The following PDCD5 variants were observed in gnomAD, a reference collection of about 807,000 sequenced individuals.
The protein encoded by PDCD5 is programmed cell death protein 5.
Under a neutral mutation model 21.9 loss-of-function variants are expected in PDCD5, and 23 were observed. The ratio of observed to expected loss-of-function variants is 1.05; its 90% CI spans 0.76 to 1.49. PDCD5 has a LOEUF of 1.49. Ranked by LOEUF, PDCD5 falls within the 40% of genes most tolerant of loss-of-function variation. The pLI is 0.00. For synonymous variants in PDCD5, 45 were observed against 49.4 expected, an observed-to-expected ratio of 0.91 and a Z score of 0.37; for missense variants, 152 against 147.7, an observed-to-expected ratio of 1.03 and a Z score of -0.15.
At chr19:32,582,726 CA>C (rs1260956219) in intron 2 of PDCD5, among the ~76,000 whole-genome samples, 14 of 152,204 alleles carry the variant, frequency 9.2e-5, no homozygotes, top group African/African-American at 3.4e-4. Context: ...TTCACCATCA[CA>C]ACCATTTTTA....
Position 32,586,511 on chromosome 19 carries a change from CA to C in PDCD5, c.259-346del, listed in dbSNP as rs1267234833. On this transcript the variant is annotated intron_variant, in intron 4 of 5. Coordinates refer to ENST00000590247, the MANE Select transcript of PDCD5 (RefSeq NM_004708.4). ...CAAGGGGATGTTTAAGCTTCTCGGGCAGAAGTGGTGTGTCTATTCCTGACAC... is the reference window on the plus strand; with the variant it reads ...CAAGGGGATGTTTAAGCTTCTCGGGCGAAGTGGTGTGTCTATTCCTGACAC... The C allele has an allele frequency of 6.4e-6, 7 of 1,101,744 alleles. No individual in the cohort carries two copies. In the African/African-American group the frequency reaches 1.1e-4, roughly 18 times the overall value. 68.2% of individuals were successfully genotyped at this position (1,101,744 alleles called of 1,614,324 possible). A position where few individuals can be genotyped will look rare whatever the true frequency, so the allele number is the denominator to read the frequency against.
rs1971469360 is a variant in PDCD5, at chr19:32,585,727, C to T, written c.167-89C>T. The stretch of plus-strand genomic sequence containing the variant: ...CACTGAGGGACAAGCTTGTGAAGTG[C>T]TTTGGAAAGGTCAATGCATAGTTTT... On this transcript the variant is annotated intron_variant, in intron 3 of 5. Coordinates refer to ENST00000590247, the MANE Select transcript of PDCD5 (RefSeq NM_004708.4). 3 of 771,050 alleles carry T rather than the reference C, an allele frequency of 3.9e-6. No individual in the cohort carries two copies. The East Asian group carries it at 7.3e-5, about 19-fold the overall frequency. The allele number at this position is 771,050 out of a possible 1,614,324, so 47.8% of individuals were successfully genotyped here.
At chr19:32,583,817 C>A (rs1318351310) in intron 2 of PDCD5, among the ~76,000 whole-genome samples, 1 of 151,942 alleles carries the variant, frequency 6.6e-6, no homozygotes, top group East Asian at 1.9e-4. Context: ...GCATGAACAG[C>A]AGAGTGAGAC....
At chr19:32,586,777 A>T in intron 4 of PDCD5, 81 bp from the exon 5 acceptor site, 1 of 1,522,228 alleles carries the variant, frequency 6.6e-7, no homozygotes. Context: ...CCTCAAAAAG[A>T]GTACAAAGTG....
Position 32,581,283 on chromosome 19 carries a change from G to A in PDCD5, c.22G>A (p.Ala8Thr), listed in dbSNP as rs761684487. Residue 8 changes from alanine (A) to threonine (T), a missense_variant, in exon 1 of 6, where the codon GCG (alanine) becomes ACG (threonine). Transcript: ENST00000590247. MADEELE[A>T]LRRQRLAELQ... is the part of the protein sequence containing the mutation. ...AGCCATGGCGGACGAGGAGCTTGAG[G>A]CGCTGAGGAGACAGAGGCTGGCCGA... 7.8e-6 allele frequency: 12 copies of A among 1,530,624 alleles called. No individual in the cohort carries two copies. Among genetic ancestry groups the A allele is most frequent in the South Asian group, 3.7e-5 (3 of 81,948 alleles). The allele number at this position is 1,530,624 out of a possible 1,614,324, so 94.8% of individuals were successfully genotyped here.
intron 3 of PDCD5, 60 bp from the exon 4 acceptor site, chr19:32,585,750 TTTAAGG>T: frequency 1.1e-6 from 1 of 928,794 alleles, no homozygotes; most frequent in South Asian, 1.4e-5. Flanking sequence ...AATGCATAGT[TTTAAGG>T]TATAACATAA....
intron 2 of PDCD5, among the ~76,000 whole-genome samples, chr19:32,582,801 G>A (rs907964359): frequency 1.3e-5 from 2 of 152,124 alleles, no homozygotes; most frequent in Admixed American, 6.5e-5. Flanking sequence ...GAAACCTTTA[G>A]CTACTGGACA....
intron 1 of PDCD5, 147 bp downstream of exon 1, chr19:32,581,474 A>G: frequency 2.4e-6 from 1 of 425,428 alleles, no homozygotes; most frequent in Non-Finnish European, 3.9e-6. Flanking sequence ...TGGCCGGCTC[A>G]GAGGTGGCCT....
chr19:32,587,312 T>C lies in PDCD5; in HGVS notation c.*12T>C. Reference sequence around the variant, plus strand: ...ATGACGATTATTGAACTACAAGTGCTCACAGACTAGAACTTAACGGAACAA... The same window carrying C: ...ATGACGATTATTGAACTACAAGTGCCCACAGACTAGAACTTAACGGAACAA... On this transcript the variant is annotated 3_prime_UTR_variant, in exon 6 of 6. Coordinates refer to ENST00000590247, the MANE Select transcript of PDCD5 (RefSeq NM_004708.4). 6.3e-7 allele frequency: 1 copy of C among 1,587,290 alleles called. No individual in the cohort carries two copies. Among genetic ancestry groups the C allele is most frequent in the East Asian group, 2.2e-5 (1 of 44,694 alleles).
chr19:32,587,034 C>T (rs762839592), intron 5 of PDCD5, 105 bp downstream of exon 5: 1 of 1,100,088 alleles, frequency 9.1e-7, no homozygotes, highest in Non-Finnish European at 1.3e-6. Context: ...AGACATTTTC[C>T]TTTTGTCAAA....
At chr19:32,581,481 GCCTCGTCGCTTT>G (rs1473154229) in intron 1 of PDCD5, 154 bp downstream of exon 1, 5 of 411,548 alleles carry the variant, frequency 1.2e-5, no homozygotes, top group East Asian at 7.9e-5. Context: ...CTCAGAGGTG[GCCTCGTCGCTTT>G]CCTCGTCGCG....
At position 32,582,191 on chromosome 19, in the gene PDCD5, C is replaced by T. The variant is rs781379875; in HGVS notation, c.67-4C>T. On this transcript the variant is annotated splice_polypyrimidine_tract_variant and splice_region_variant and intron_variant, in intron 1 of 5. Transcript: ENST00000590247. ...TCTATTAAATTTAAGTTTTTTTTTT[C>T]CAGGATCCTGGTGATGCGGCCCAAC... 1.4e-5 allele frequency: 22 copies of T among 1,599,626 alleles called. No individual in the cohort carries two copies. Among genetic ancestry groups the T allele is most frequent in the Admixed American group, 1.7e-5 (1 of 58,500 alleles).
At chr19:32,586,972 C>A (rs752542933) in intron 5 of PDCD5, 43 bp downstream of exon 5, 5 of 1,445,628 alleles carry the variant, frequency 3.5e-6, no homozygotes, top group East Asian at 2.3e-5. Context: ...AAGATGGATA[C>A]TTTAAAGATT....
Position 32,581,297 on chromosome 19 carries a change from G to A in PDCD5, c.36G>A (p.Gln12=), listed in dbSNP as rs1237645219. The A allele has an allele frequency of 2.0e-6, 3 of 1,528,270 alleles. No individual in the cohort carries two copies. The allele number at this position is 1,528,270 out of a possible 1,614,324, so 94.7% of individuals were successfully genotyped here. ...ADEELEALRR[Q]RLAELQAKHG... is the part of the protein sequence containing the mutation. ...AGGAGCTTGAGGCGCTGAGGAGACA[G>A]AGGCTGGCCGAGCTGCAGGCCAAAC... Residue 12 remains glutamine, a synonymous_variant, in exon 1 of 6, where the codon CAG becomes CAA. Transcript: ENST00000590247.
At chr19:32,583,984 A>C (rs1174228491) in intron 2 of PDCD5, among the ~76,000 whole-genome samples, 1 of 152,096 alleles carries the variant, frequency 6.6e-6, no homozygotes, top group African/African-American at 2.4e-5. Context: ...GGCACCCGCC[A>C]CCATGCCCGG....
rs769576611 is a variant in PDCD5 at position 32,585,034 on chromosome 19, C to G, written c.166+23C>G. 2.5e-6 allele frequency: 4 copies of G among 1,587,732 alleles called. No individual in the cohort carries two copies. In the South Asian group the frequency reaches 4.4e-5, roughly 18 times the overall value. On this transcript the variant is annotated intron_variant, in intron 3 of 5. Transcript: ENST00000590247. ...GGTGTAAGCATCTTTGATTTCATTT[C>G]CATAAAGTTAGCTTGAGTTAGTTGA...
Position 32,585,829 on chromosome 19 carries a change from A to G in PDCD5, c.180A>G (p.Ala60=), listed in dbSNP as rs1388941130. 1 of 1,592,474 alleles carries G rather than the reference A, an allele frequency of 6.3e-7. No homozygotes were observed. Among genetic ancestry groups the G allele is most frequent in the Non-Finnish European group, 8.6e-7 (1 of 1,161,162 alleles). ...TTTTCTTTTTAGTAAGTAACTTAGC[A>G]CTTGTAAAGCCTGAAAAAACTAAAG... ...QSARARLSNL[A]LVKPEKTKAV... Residue 60 remains alanine (A), a synonymous_variant, in exon 4 of 6, where the codon GCA becomes GCG. Coordinates refer to ENST00000590247, the MANE Select transcript of PDCD5 (RefSeq NM_004708.4).
Position 32,587,307 on chromosome 19 carries a change from AG to A in PDCD5, c.*8del. On this transcript the variant is annotated 3_prime_UTR_variant, in exon 6 of 6. Coordinates refer to ENST00000590247, the MANE Select transcript of PDCD5 (RefSeq NM_004708.4). ...TGAAGATGACGATTATTGAACTACA[AG>A]TGCTCACAGACTAGAACTTAACGGA... 2 of 1,593,304 alleles carry A rather than the reference AG, an allele frequency of 1.3e-6. No individual in the cohort carries two copies. Among genetic ancestry groups the A allele is most frequent in the Non-Finnish European group, 1.7e-6 (2 of 1,162,942 alleles).
Position 32,586,879 on chromosome 19 carries a change from G to C in PDCD5, c.280G>C (p.Glu94Gln), listed in dbSNP as rs1971482433. Residue 94 changes from glutamate (E) to glutamine (Q), a missense_variant, in exon 5 of 6, where the codon GAA becomes CAA. Glu to Gln is a conservative substitution (Grantham distance 29). Transcript: ENST00000590247. ...SEKVSEQGLI[E>Q]ILKKVSQQTE... ...CTAGGTATCAGAACAAGGTTTAATAGAAATCCTTAAAAAAGTAAGCCAACA... is the reference window on the plus strand; with the variant it reads ...CTAGGTATCAGAACAAGGTTTAATACAAATCCTTAAAAAAGTAAGCCAACA... 6.2e-7 allele frequency: 1 copy of C among 1,612,168 alleles called. No homozygotes were observed. The highest frequency in any genetic ancestry group is 1.1e-5 in the South Asian group (1 of 90,552).
Sources: allele counts gnomAD v4.1 joint callset (sites outside exome capture counted in the v4.1 genomes callset), GRCh38; gene constraint gnomAD v4.1.1; transcripts MANE v1.5; gene names NCBI Gene and HGNC (gene_info 2026-07-23, HGNC 2026-07-21).